SVOPL: variants seen among roughly 807,000 people sequenced by gnomAD.
The protein encoded by SVOPL is putative transporter SVOPL.
In SVOPL, 60 loss-of-function variants were observed where a neutral mutation model predicts 61.0. The ratio of observed to expected loss-of-function variants is 0.98; its 90% CI spans 0.80 to 1.22. The LOEUF is 1.22. SVOPL is among the 50% of genes most tolerant of loss of function. The pLI is 0.00. For synonymous variants in SVOPL, 279 were observed against 250.0 expected (o/e 1.12, Z -1.09); for missense variants, 662 against 643.9 (o/e 1.03, Z -0.30).
intron 12 of SVOPL, among the ~76,000 whole-genome samples, chr7:138,626,785 G>A (rs1185993132): frequency 6.6e-6 from 1 of 151,928 alleles, no homozygotes. Flanking sequence ...GTTAGAGGCT[G>A]CAGTGAGCTG....
intron 9 of SVOPL, among the ~76,000 whole-genome samples, chr7:138,639,453 C>T (rs1420967292): frequency 6.6e-6 from 1 of 151,238 alleles, no homozygotes; most frequent in Admixed American, 6.6e-5. Flanking sequence ...ATTGTGAAAC[C>T]CTGTCTCTAT....
At chr7:138,685,049 C>T (rs1802776753) in intron 1 of SVOPL, among the ~76,000 whole-genome samples, 2 of 151,832 alleles carry the variant, frequency 1.3e-5, no homozygotes, top group Non-Finnish European at 2.9e-5. Flanking sequence ...TCTCCTGCCT[C>T]AGCCTCCCAA....
chr7:138,613,166 C>T (rs1189863970), intron 14 of SVOPL, among the ~76,000 whole-genome samples: 25 of 151,822 alleles, frequency 1.6e-4, no homozygotes, highest in African/African-American at 5.3e-4. Context: ...ACTACAGACG[C>T]GTGCCACCAC....
intron 9 of SVOPL, among the ~76,000 whole-genome samples, chr7:138,639,930 G>A (rs554321484): frequency 3.3e-4 from 50 of 151,278 alleles, no homozygotes; most frequent in African/African-American, 7.0e-4. Context: ...TTTTTTTAGC[G>A]GGGAGCGGTA....
At chr7:138,629,922 T>C in intron 10 of SVOPL, 127 bp downstream of exon 10, 1 of 708,386 alleles carries the variant, frequency 1.4e-6, no homozygotes, top group Non-Finnish European at 2.5e-6. Flanking sequence ...AAAACATTGC[T>C]TGTCTTTGTA....
intron 6 of SVOPL, among the ~76,000 whole-genome samples, chr7:138,657,566 A>G (rs1191695930): frequency 2.0e-5 from 3 of 152,242 alleles, no homozygotes; most frequent in African/African-American, 4.8e-5. Context: ...TCTTCTGAAT[A>G]TAAGAATAAA....
intron 14 of SVOPL, among the ~76,000 whole-genome samples, chr7:138,615,889 C>T (rs575535417): frequency 6.6e-6 from 1 of 152,138 alleles, no homozygotes; most frequent in African/African-American, 2.4e-5. Context: ...AGAAAAAACT[C>T]TTTCCCCTCT....
chr7:138,678,547 GA>G (rs755816159), intron 2 of SVOPL, 22 bp from the exon 3 acceptor site: 2 of 1,549,408 alleles, frequency 1.3e-6, no homozygotes, highest in South Asian at 1.2e-5. Flanking sequence ...AGACAAAGTG[GA>G]AAAAATTGCT....
chr7:138,624,899 G>A (rs1328888534), intron 13 of SVOPL, among the ~76,000 whole-genome samples: 1 of 151,792 alleles, frequency 6.6e-6, no homozygotes, highest in East Asian at 1.9e-4. Context: ...ATGGCATTTT[G>A]GTTTCCTTGC....
chr7:138,607,064 T>C (rs1798792207), intron 14 of SVOPL, among the ~76,000 whole-genome samples: 3 of 151,326 alleles, frequency 2.0e-5, no homozygotes, highest in Non-Finnish European at 4.4e-5. Flanking sequence ...CAATAAGTGA[T>C]ATGAAGGAAA....
chr7:138,649,075 G>A lies in SVOPL; in HGVS notation c.597C>T (p.Ile199=), dbSNP rs368282576. The A allele has an allele frequency of 4.6e-5, 74 of 1,613,816 alleles. No homozygotes were observed. Among genetic ancestry groups the A allele is most frequent in the African/African-American group, 6.7e-5 (5 of 74,844 alleles). The part of the protein sequence containing the change: ...IGLASVIIPT[I]GWRWLIRVAS... ...CGACGCGAATGAGCCAGCGCCACCC[G>A]ATGGTGGGGATGATCACAGAGGCCA... The change falls in exon 8 of 16, where the codon ATC becomes ATT. Residue 199 remains isoleucine, a synonymous_variant. Coordinates refer to ENST00000674285, the MANE Select transcript of SVOPL (RefSeq NM_001139456.2).
chr7:138,662,714 G>GT (rs1802052929), intron 5 of SVOPL: 1 of 1,063,284 alleles, frequency 9.4e-7, no homozygotes, highest in East Asian at 7.4e-5. Context: ...ACTGGACGTG[G>GT]TGGGGGCATC....
intron 13 of SVOPL, among the ~76,000 whole-genome samples, chr7:138,621,460 A>T (rs916427272): frequency 6.6e-6 from 1 of 152,210 alleles, no homozygotes; most frequent in African/African-American, 2.4e-5. Flanking sequence ...TAAATATATA[A>T]AAGTGATTCT....
chr7:138,644,597 G>A lies in SVOPL; in HGVS notation c.789+120C>T, dbSNP rs750408132. 2.2e-4 allele frequency: 305 copies of A among 1,359,726 alleles called. 1 individual carries two copies. Among genetic ancestry groups the A allele is most frequent in the Non-Finnish European group, 2.8e-4 (292 of 1,028,162 alleles). The allele number at this position is 1,359,726 out of a possible 1,614,324, so 84.2% of individuals were successfully genotyped here. On this transcript the variant is annotated intron_variant, in intron 9 of 15. Transcript: ENST00000674285. ...TAGCCTCACATCTTTCCTGGCCATC[G>A]CCCTGCCTCTCAGACAGGACTAGAG...
intron 1 of SVOPL, among the ~76,000 whole-genome samples, chr7:138,687,693 T>TGA (rs1454827851): frequency 8.7e-6 from 1 of 114,772 alleles, no homozygotes; most frequent in African/African-American, 4.6e-5. Context: ...ATCAAGAAGG[T>TGA]GAAAAAAAAA....
At chr7:138,644,243 C>T (rs1039180802) in intron 9 of SVOPL, among the ~76,000 whole-genome samples, 6 of 141,598 alleles carry the variant, frequency 4.2e-5, no homozygotes, top group Admixed American at 7.4e-5. Flanking sequence ...CTCTGCTCAA[C>T]GATGTCTTGC....
rs1242798685 is a variant in SVOPL at position 138,689,115 on chromosome 7, A to G, written c.-34-10036T>C. On this transcript the variant is annotated intron_variant, in intron 1 of 15. Transcript: ENST00000674285. ...GGGTATGCATATATGAAAAGCCACG[A>G]AGTATCTGAAAGATGTCACTTTACA... 4 of 804,018 alleles carry G rather than the reference A, an allele frequency of 5.0e-6. No individual in the cohort carries two copies. In the African/African-American group the frequency reaches 5.1e-5, roughly 10 times the overall value. 49.8% of individuals were successfully genotyped at this position (804,018 alleles called of 1,614,324 possible).
At chr7:138,693,529 A>AAAAGAAAGAAAGAAAGAAAAAG (rs1802990477) in intron 1 of SVOPL, among the ~76,000 whole-genome samples, 1 of 117,086 alleles carries the variant, frequency 8.5e-6, no homozygotes, top group Non-Finnish European at 1.7e-5. Context: ...AAAAGAAAGA[A>AAAAGAAAGAAAGAAAGAAAAAG]AAAGAAAGAA....
At chr7:138,651,640 G>A (rs1361420536) in intron 7 of SVOPL, among the ~76,000 whole-genome samples, 2 of 152,006 alleles carry the variant, frequency 1.3e-5, no homozygotes, top group Non-Finnish European at 2.9e-5. Flanking sequence ...ATCTGTTATG[G>A]TAGTCTGTGA....
Sources: gnomAD v4.1 joint callset for allele counts (sites outside exome capture counted in the v4.1 genomes callset) on GRCh38, gnomAD v4.1.1 for gene constraint, MANE v1.5 for transcripts, NCBI Gene and HGNC (gene_info 2026-07-23, HGNC 2026-07-21) for gene names.